The following PPP2R2A variants were observed in gnomAD, a reference collection of about 807,000 sequenced individuals.
PPP2R2A encodes serine/threonine-protein phosphatase 2A 55 kDa regulatory subunit B alpha isoform.
PPP2R2A carries 9 observed loss-of-function variants against 53.2 expected under a neutral mutation model. That is an observed-to-expected ratio of 0.17 (90% CI 0.10 to 0.30). The LOEUF is 0.30. PPP2R2A is among the 10% of genes least tolerant of loss of function. The probability of loss-of-function intolerance (pLI) is 1.00; values close to 1 mark genes in which losing one functional copy is unlikely to be tolerated. For synonymous variants in PPP2R2A, 169 were observed against 174.2 expected, an observed-to-expected ratio of 0.97 and a Z score of 0.23; for missense variants, 235 against 534.6, an observed-to-expected ratio of 0.44 and a Z score of 5.53.
intron 3 of PPP2R2A, among the ~76,000 whole-genome samples, chr8:26,345,245 A>ATT (rs1804151336): frequency 6.6e-6 from 1 of 152,212 alleles, no homozygotes; most frequent in Non-Finnish European, 1.5e-5. Flanking sequence ...TTTGGAATTA[A>ATT]TTATTTAATT....
intron 9 of PPP2R2A, 82 bp downstream of exon 9, chr8:26,366,488 T>G: frequency 3.0e-5 from 31 of 1,022,864 alleles, no homozygotes; most frequent in Non-Finnish European, 3.2e-5. Flanking sequence ...ACTTCGTCTC[T>G]AGGGATTCCT....
chr8:26,293,628 C>T, intron 1 of PPP2R2A, 38 bp from the exon 2 acceptor site: 1 of 1,583,188 alleles, frequency 6.3e-7, no homozygotes, highest in Non-Finnish European at 8.6e-7. Context: ...TCAACATAAG[C>T]AGAACTCGGT....
chr8:26,342,472 A>G (rs1197344047), intron 3 of PPP2R2A, among the ~76,000 whole-genome samples: 1 of 152,130 alleles, frequency 6.6e-6, no homozygotes, highest in Admixed American at 6.5e-5. Context: ...TGGGTGCTCA[A>G]ATTAGGTAAT....
intron 3 of PPP2R2A, among the ~76,000 whole-genome samples, chr8:26,352,052 T>G (rs1399066945): frequency 6.6e-6 from 1 of 152,134 alleles, no homozygotes; most frequent in African/African-American, 2.4e-5. Flanking sequence ...GCAAATAGAT[T>G]GTATGGTTAG....
chr8:26,356,645 A>G (rs1378375715), intron 4 of PPP2R2A, among the ~76,000 whole-genome samples: 1 of 152,240 alleles, frequency 6.6e-6, no homozygotes, highest in Non-Finnish European at 1.5e-5. Flanking sequence ...AACCATTTAT[A>G]TAATTTCTAC....
At chr8:26,298,458 C>T (rs1801637935) in intron 2 of PPP2R2A, 1 of 152,174 alleles carries the variant, frequency 6.6e-6, no homozygotes. Flanking sequence ...CTAAGCTATT[C>T]ACATTATCAC....
At chr8:26,358,876 A>G (rs190843632) in intron 4 of PPP2R2A, 19 of 455,526 alleles carry the variant, frequency 4.2e-5, no homozygotes, top group African/African-American at 3.2e-4. Flanking sequence ...ACTCTTCCCT[A>G]CAGGGAGTAT....
intron 2 of PPP2R2A, among the ~76,000 whole-genome samples, chr8:26,317,423 T>G (rs889487876): frequency 6.6e-6 from 1 of 152,242 alleles, no homozygotes; most frequent in African/African-American, 2.4e-5. Flanking sequence ...GAGGAAATCC[T>G]GATTTTTTTG....
rs1031100290 is a variant in PPP2R2A, at chr8:26,361,286, C to T, written c.637+135C>T. 3 of 729,462 alleles carry T rather than the reference C, an allele frequency of 4.1e-6. No individual in the cohort carries two copies. In the African/African-American group the frequency reaches 5.6e-5, roughly 14 times the overall value. The allele number at this position is 729,462 out of a possible 1,614,324, so 45.2% of individuals were successfully genotyped here. A position where few individuals can be genotyped will look rare whatever the true frequency, so the allele number is the denominator to read the frequency against. On this transcript the variant is annotated intron_variant, in intron 6 of 9. Transcript: ENST00000380737. ...TATATGTATGGCACCTTATTTTTTT[C>T]TTTGTAGATGAGTAATGAAATACTG... is the stretch of plus-strand genomic sequence containing the variant.
At chr8:26,341,754 C>T (rs998565591) in intron 3 of PPP2R2A, among the ~76,000 whole-genome samples, 1 of 152,124 alleles carries the variant, frequency 6.6e-6, no homozygotes, top group Non-Finnish European at 1.5e-5. Context: ...GGCAGGGTTC[C>T]TTCTTAAACT....
chr8:26,347,907 T>A (rs940990263), intron 3 of PPP2R2A, among the ~76,000 whole-genome samples: 1 of 152,214 alleles, frequency 6.6e-6, no homozygotes, highest in Non-Finnish European at 1.5e-5. Flanking sequence ...TTCTCTTGTG[T>A]TTATTTCATC....
At chr8:26,293,917 A>G (rs1462114198) in intron 2 of PPP2R2A, 177 bp downstream of exon 2, 3 of 607,232 alleles carry the variant, frequency 4.9e-6, no homozygotes, top group Non-Finnish European at 8.5e-6. Context: ...TTCATTTGTT[A>G]TTTACGCCTT....
chr8:26,314,374 C>T (rs1369237113), intron 2 of PPP2R2A, among the ~76,000 whole-genome samples: 4 of 152,140 alleles, frequency 2.6e-5, no homozygotes, highest in Non-Finnish European at 5.9e-5. Flanking sequence ...CTGGGATTTT[C>T]CTTCATCATT....
intron 2 of PPP2R2A, among the ~76,000 whole-genome samples, chr8:26,296,360 A>C (rs949758162): frequency 2.0e-5 from 3 of 152,226 alleles, no homozygotes; most frequent in African/African-American, 7.2e-5. Flanking sequence ...CTAATGACCC[A>C]GCTAAACAGA....
intron 1 of PPP2R2A, 64 bp downstream of exon 1, chr8:26,291,890 C>T (rs1041077644): frequency 2.5e-6 from 4 of 1,592,896 alleles, no homozygotes; most frequent in Admixed American, 3.5e-5. Context: ...CCTCCATCAC[C>T]CCCTAGCGAC....
At chr8:26,327,953 CAGT>C (rs947428219) in intron 2 of PPP2R2A, among the ~76,000 whole-genome samples, 51 of 152,292 alleles carry the variant, frequency 3.3e-4, no homozygotes, top group African/African-American at 1.2e-3. Context: ...AATGTTTCGA[CAGT>C]AGACCTTTGA....
chr8:26,318,425 T>C (rs1044904325), intron 2 of PPP2R2A, among the ~76,000 whole-genome samples: 7 of 152,202 alleles, frequency 4.6e-5, no homozygotes, highest in African/African-American at 1.7e-4. Flanking sequence ...GAAATATTTA[T>C]GGGTGAAATA....
chr8:26,330,209 A>G (rs1053565476), intron 2 of PPP2R2A, among the ~76,000 whole-genome samples: 1 of 151,892 alleles, frequency 6.6e-6, no homozygotes, highest in South Asian at 2.1e-4. Context: ...GTCTTATCCA[A>G]TGTATCTTTC....
Position 26,338,702 on chromosome 8 carries a change from ATTTT to A in PPP2R2A, c.83-186_83-183del, listed in dbSNP as rs1803788709. On this transcript the variant is annotated intron_variant, in intron 2 of 9. Coordinates refer to ENST00000380737, the MANE Select transcript of PPP2R2A (RefSeq NM_002717.4). This position sits in a 1 kb window ranked among gnomAD's most constrained non-coding sequence, Gnocchi z 4.5. Reference sequence around the variant, plus strand: ...TTCATACTGGTTTATTCTGAGGAGAATTTTTATTAGTGGATCAAAATATTTATGA... The same window carrying A: ...TTCATACTGGTTTATTCTGAGGAGAATATTAGTGGATCAAAATATTTATGA... Among the ~76,000 whole-genome samples, 1 of 152,142 alleles carries A rather than the reference ATTTT, an allele frequency of 6.6e-6. No individual in the cohort carries two copies. The highest frequency in any genetic ancestry group is 1.5e-5 in the Non-Finnish European group (1 of 68,012).
Sources: gnomAD v4.1 joint callset for allele counts (sites outside exome capture counted in the v4.1 genomes callset) on GRCh38, gnomAD v4.1.1 for gene constraint, Gnocchi (gnomAD v3.1) non-coding constraint, MANE v1.5 for transcripts, NCBI Gene and HGNC (gene_info 2026-07-23, HGNC 2026-07-21) for gene names.